The following TAMM41 variants were observed in gnomAD, a reference collection of about 807,000 sequenced individuals.
TAMM41 encodes the protein phosphatidate cytidylyltransferase, mitochondrial.
TAMM41 carries 36 observed loss-of-function variants against 44.1 expected under a neutral mutation model. The ratio of observed to expected loss-of-function variants is 0.82; its 90% CI spans 0.63 to 1.08. TAMM41 has a LOEUF of 1.08. TAMM41 is among the 50% of genes least tolerant of loss of function. The probability of loss-of-function intolerance (pLI) is 0.00; values close to 1 mark genes in which losing one functional copy is unlikely to be tolerated. For missense variants in TAMM41, 417 were observed against 404.3 expected, an observed-to-expected ratio of 1.03 and a Z score of -0.27; for synonymous variants, 164 against 153.1, an observed-to-expected ratio of 1.07 and a Z score of -0.53.
At chr3:11,740,741 T>G in the TAMM41 span, among the ~76,000 whole-genome samples, 13 of 151,942 alleles carry the variant, frequency 8.6e-5, no homozygotes, top group East Asian at 2.6e-3. Flanking sequence ...GATTTTTGTA[T>G]TTTTAGTAGA....
chr3:11,737,026 C>G, the TAMM41 span, among the ~76,000 whole-genome samples: 1 of 151,696 alleles, frequency 6.6e-6, no homozygotes, highest in South Asian at 2.1e-4. Context: ...GTCAGGAGTC[C>G]GTCTGCACCA....
At chr3:11,832,263 A>C (rs141666028) in intron 3 of TAMM41, among the ~76,000 whole-genome samples, 66 of 141,750 alleles carry the variant, frequency 4.7e-4, no homozygotes, top group Non-Finnish European at 9.1e-4. Context: ...CCAATCACAG[A>C]TGGGAAACAT....
At chr3:11,767,625 C>CCTTTTTTTTTTTTTTTT in the TAMM41 span, among the ~76,000 whole-genome samples, 5 of 27,908 alleles carry the variant, frequency 1.8e-4, no homozygotes, top group Non-Finnish European at 3.9e-4. Flanking sequence ...ACACGTTGTG[C>CCTTTTTTTTTTTTTTTT]ATTTTTTTTT....
chr3:11,725,886 T>C, the TAMM41 span, among the ~76,000 whole-genome samples: 5 of 152,246 alleles, frequency 3.3e-5, no homozygotes, highest in Middle Eastern at 3.4e-3. Context: ...GGCTTTAAGA[T>C]GGCCACAACC....
At chr3:11,789,527 T>G (rs1032204353), downstream of TAMM41, among the ~76,000 whole-genome samples, 6 of 152,192 alleles carry the variant, frequency 3.9e-5, no homozygotes, top group African/African-American at 1.4e-4. Flanking sequence ...AAGTGTCTAC[T>G]CCTTCTCTGA....
At chr3:11,751,685 C>T in the TAMM41 span, among the ~76,000 whole-genome samples, 9 of 152,174 alleles carry the variant, frequency 5.9e-5, no homozygotes, top group African/African-American at 1.4e-4. Context: ...GGCTTACCCC[C>T]GAAGTGTGTC....
chr3:11,724,066 A>G, the TAMM41 span, among the ~76,000 whole-genome samples: 1 of 150,390 alleles, frequency 6.6e-6, no homozygotes, highest in Non-Finnish European at 1.5e-5. Flanking sequence ...AAAAGATTTT[A>G]TTTTATTTTA....
intron 4 of TAMM41, 102 bp downstream of exon 4, chr3:11,829,612 C>G (rs373188762): frequency 7.3e-7 from 1 of 1,373,632 alleles, no homozygotes; most frequent in African/African-American, 1.4e-5. Context: ...TGATTTACAA[C>G]TAAGACTGTA....
chr3:11,813,310 A>G (rs547065623), intron 5 of TAMM41, among the ~76,000 whole-genome samples: 39 of 152,222 alleles, frequency 2.6e-4, no homozygotes, highest in South Asian at 1.2e-3. Flanking sequence ...CGGGCAGATT[A>G]CTTGAGGTCA....
the TAMM41 span, among the ~76,000 whole-genome samples, chr3:11,762,202 T>A: frequency 1.3e-5 from 2 of 152,170 alleles, no homozygotes; most frequent in Non-Finnish European, 2.9e-5. Context: ...GGTTTTTTTC[T>A]GTCTCTTTTT....
rs557978818 is a variant in TAMM41 at position 11,840,530 on chromosome 3, C to T, written c.319-1216G>A. 6.6e-5 allele frequency among the ~76,000 whole-genome samples: 10 copies of T among 152,126 alleles called. No individual in the cohort carries two copies. In the East Asian group the frequency reaches 1.5e-3, roughly 23 times the overall value. ...GATTACAGGTGTGAGCTACCATGCC[C>T]GGCCTGATTAAACTCTTTACAGCAA... is the stretch of plus-strand genomic sequence containing the variant. On this transcript the variant is annotated intron_variant, in intron 2 of 7. Coordinates refer to ENST00000455809, the MANE Select transcript of TAMM41 (RefSeq NM_001284401.2).
At position 11,815,673 on chromosome 3, in the gene TAMM41, T is replaced by G. The variant is rs151290897; in HGVS notation, c.708+1519A>C. On this transcript the variant is annotated intron_variant, in intron 5 of 7. Transcript: ENST00000455809. ...AGGGGAAGAGAATGTGTGTGCTAAG[T>G]GCATGTGTGTGAGTGTGTAATTGGT... Among the ~76,000 whole-genome samples the G allele has an allele frequency of 3.5e-3, 535 of 152,250 alleles. 2 individuals are homozygous for G. The highest frequency in any genetic ancestry group is 0.012 in the African/African-American group (511 of 41,540).
the TAMM41 span, among the ~76,000 whole-genome samples, chr3:11,772,411 T>TGTACCTAAACA: frequency 6.6e-6 from 1 of 152,128 alleles, no homozygotes; most frequent in African/African-American, 2.4e-5. Context: ...TGTGTGTTCA[T>TGTACCTAAACA]ATGTACCTAT....
the TAMM41 span, among the ~76,000 whole-genome samples, chr3:11,761,278 G>A: frequency 6.6e-6 from 1 of 151,760 alleles, no homozygotes; most frequent in Admixed American, 6.6e-5. Context: ...TATTATCATT[G>A]ATTTTCCTAA....
At chr3:11,777,800 G>GA in the TAMM41 span, among the ~76,000 whole-genome samples, 1 of 151,784 alleles carries the variant, frequency 6.6e-6, no homozygotes, top group Admixed American at 6.6e-5. Context: ...TCTCAAAAAA[G>GA]AAAAAAAGTG....
rs1042639523 is a variant in TAMM41, at chr3:11,846,411, G to A, written c.135+91C>T. ...GTGGACACGTGGAGTGTGCAGAGCG[G>A]ACAGGCAGCTCTCCGACTCTGAAGG... On this transcript the variant is annotated intron_variant, in intron 1 of 7. Coordinates refer to ENST00000455809, the MANE Select transcript of TAMM41 (RefSeq NM_001284401.2). The A allele has an allele frequency of 4.8e-6, 7 of 1,459,662 alleles. No individual in the cohort carries two copies. The African/African-American group carries it at 9.7e-5, about 20-fold the overall frequency. 90.4% of individuals were successfully genotyped at this position (1,459,662 alleles called of 1,614,324 possible).
chr3:11,766,696 A>G, the TAMM41 span, among the ~76,000 whole-genome samples: 1 of 151,496 alleles, frequency 6.6e-6, no homozygotes, highest in East Asian at 2.0e-4. Context: ...CCTCCCTTGT[A>G]GCTGGGACCA....
At chr3:11,759,776 C>T in the TAMM41 span, among the ~76,000 whole-genome samples, 1 of 152,048 alleles carries the variant, frequency 6.6e-6, no homozygotes, top group Non-Finnish European at 1.5e-5. Context: ...GAGTCCGAGA[C>T]TAGCCTGGCC....
At chr3:11,825,094 G>A (rs1182291585) in intron 4 of TAMM41, among the ~76,000 whole-genome samples, 1 of 152,172 alleles carries the variant, frequency 6.6e-6, no homozygotes, top group Non-Finnish European at 1.5e-5. Flanking sequence ...AAGCATTCCA[G>A]GAAGAAGACT....
Sources: gnomAD v4.1 joint callset for allele counts (sites outside exome capture counted in the v4.1 genomes callset) on GRCh38, gnomAD v4.1.1 for gene constraint, MANE v1.5 for transcripts, NCBI Gene and HGNC (gene_info 2026-07-23, HGNC 2026-07-21) for gene names.